Variants in PIK3R1 observed in about 807,000 individuals in gnomAD.
PIK3R1 encodes the protein phosphatidylinositol 3-kinase regulatory subunit alpha.
In PIK3R1, 29 loss-of-function variants were observed where a neutral mutation model predicts 98.0. The observed-to-expected ratio is 0.30, with a 90% CI of 0.22 to 0.40. The LOEUF is 0.40. Among genes scored for constraint, PIK3R1 ranks in the 10% least tolerant of loss-of-function variants. The probability of loss-of-function intolerance (pLI) is 1.00; values close to 1 mark genes in which losing one functional copy is unlikely to be tolerated. For missense variants in PIK3R1, 596 were observed against 872.7 expected, an observed-to-expected ratio of 0.68 and a Z score of 3.99; for synonymous variants, 282 against 311.8, an observed-to-expected ratio of 0.90 and a Z score of 1.01.
chr5:68,243,995 A>G (rs545457043), intron 2 of PIK3R1, among the ~76,000 whole-genome samples: 1 of 152,340 alleles, frequency 6.6e-6, no homozygotes, highest in South Asian at 2.1e-4. Context: ...TTTAAATTAA[A>G]GCATTAATTT....
intron 2 of PIK3R1, among the ~76,000 whole-genome samples, chr5:68,259,772 A>G (rs2112100951): frequency 6.6e-6 from 1 of 152,258 alleles, no homozygotes; most frequent in East Asian, 1.9e-4. Context: ...GCTGCCCCCC[A>G]AAAGGGGCAC....
At chr5:68,234,259 AAT>A (rs1032876316) in intron 2 of PIK3R1, among the ~76,000 whole-genome samples, 7 of 152,154 alleles carry the variant, frequency 4.6e-5, no homozygotes, top group African/African-American at 1.7e-4. Flanking sequence ...TTCTCTTCCC[AAT>A]CAGAAGAACT....
intron 2 of PIK3R1, among the ~76,000 whole-genome samples, chr5:68,269,667 G>A (rs1746267511): frequency 6.6e-6 from 1 of 152,140 alleles, no homozygotes; most frequent in Admixed American, 6.5e-5. Context: ...TAAAGGCATA[G>A]TTGATTTTAG....
At chr5:68,274,127 G>A in intron 4 of PIK3R1, 114 bp downstream of exon 4, 1 of 837,384 alleles carries the variant, frequency 1.2e-6, no homozygotes, top group Non-Finnish European at 2.0e-6. Flanking sequence ...TAAATTTAAA[G>A]GGAACTCAAA....
At chr5:68,228,351 T>A (rs1744357475) in intron 2 of PIK3R1, among the ~76,000 whole-genome samples, 1 of 152,220 alleles carries the variant, frequency 6.6e-6, no homozygotes, top group Non-Finnish European at 1.5e-5. Context: ...AGGAATTTAT[T>A]AATGATACCT....
rs78058175 is a variant in PIK3R1, at chr5:68,237,779, G to A, written c.334+10770G>A. Among the ~76,000 whole-genome samples, 75 of 152,150 alleles carry A rather than the reference G, an allele frequency of 4.9e-4. No homozygotes were observed. In the East Asian group the frequency reaches 0.013, roughly 26 times the overall value. ...GAATTAGTGGGAAGAAATGCCTACT[G>A]TAAACTCAACAGAACCGGGGTTAAA... On this transcript the variant is annotated intron_variant, in intron 2 of 15. Transcript: ENST00000521381.
chr5:68,299,676 G>T lies in PIK3R1; in HGVS notation c.*2075G>T. On this transcript the variant is annotated 3_prime_UTR_variant, in exon 16 of 16. Transcript: ENST00000521381. ...TACCCACAGCTATATTTCTGTTTAA[G>T]TACTAGGGTGAGGGTTTTCTGTTAC... The T allele has an allele frequency of 4.3e-6, 1 of 233,190 alleles. No homozygotes were observed. The highest frequency in any genetic ancestry group is 6.0e-5 in the East Asian group (1 of 16,568). The allele number at this position is 233,190 out of a possible 1,614,324, so 14.4% of individuals were successfully genotyped here. A position where few individuals can be genotyped will look rare whatever the true frequency, so the allele number is the denominator to read the frequency against.
rs2112262790 is a variant in PIK3R1 at position 68,293,740 on chromosome 5, C to A, written c.1331C>A (p.Ala444Asp). 1 of 1,499,348 alleles carries A rather than the reference C, an allele frequency of 6.7e-7. No homozygotes were observed. The highest frequency in any genetic ancestry group is 9.2e-7 in the Non-Finnish European group (1 of 1,087,062). 92.9% of individuals were successfully genotyped at this position (1,499,348 alleles called of 1,614,324 possible). A position where few individuals can be genotyped will look rare whatever the true frequency, so the allele number is the denominator to read the frequency against. ...GTTGTCAAAGAAGATAATATTGAAGCTGTAGGGAAAAAATTACATGAATAT... is the reference window on the plus strand; with the variant it reads ...GTTGTCAAAGAAGATAATATTGAAGATGTAGGGAAAAAATTACATGAATAT... ...DQVVKEDNIE[A>D]VGKKLHEYNT... The change falls in exon 11 of 16, where the codon GCT (alanine) becomes GAT (aspartate). Residue 444 changes from alanine (A) to aspartate (D), a missense_variant. Physicochemically the swap from Ala to Asp is moderately radical, Grantham distance 126 (BLOSUM62 -2). This residue lies in a region of PIK3R1 where 207 missense variants were observed against 361.4 expected (regional missense o/e 0.57). Coordinates refer to ENST00000521381, the MANE Select transcript of PIK3R1 (RefSeq NM_181523.3).
Position 68,300,329 on chromosome 5 carries a change from AG to A in PIK3R1, c.*2729del, listed in dbSNP as rs1364295291. Reference sequence around the variant, plus strand: ...CATTTGTCGTTTTAGATACTTTGCTAGCCGGCCACTTTGGATTTCATCAGAC... The same window carrying A: ...CATTTGTCGTTTTAGATACTTTGCTACCGGCCACTTTGGATTTCATCAGAC... On this transcript the variant is annotated 3_prime_UTR_variant, in exon 16 of 16. Transcript: ENST00000521381. The A allele has an allele frequency of 4.3e-6, 1 of 232,920 alleles. No homozygotes were observed. Among genetic ancestry groups the A allele is most frequent in the East Asian group, 6.1e-5 (1 of 16,496 alleles). The allele number at this position is 232,920 out of a possible 1,614,324, so 14.4% of individuals were successfully genotyped here. A position where few individuals can be genotyped will look rare whatever the true frequency, so the allele number is the denominator to read the frequency against.
chr5:68,297,547 C>G lies in PIK3R1; in HGVS notation c.2121C>G (p.Asn707Lys), dbSNP rs922311379. 6.2e-7 allele frequency: 1 copy of G among 1,614,172 alleles called. No homozygotes were observed. The highest frequency in any genetic ancestry group is 8.5e-7 in the Non-Finnish European group (1 of 1,180,008). ...AACACACCTCCCTTGTGCAGCACAA[C>G]GACTCCCTCAATGTCACACTAGCCT... Reference protein sequence around the residue: ...HYQHTSLVQHNDSLNVTLAYP... With the variant: ...HYQHTSLVQHKDSLNVTLAYP... The change falls in exon 16 of 16, where the codon AAC (asparagine) becomes AAG (lysine). Residue 707 changes from asparagine (N) to lysine (K), a missense_variant. Physicochemically the swap from Asn to Lys is moderately conservative, Grantham distance 94. Transcript: ENST00000521381.
Position 68,279,516 on chromosome 5 carries a change from A to G in PIK3R1, c.503-86A>G, listed in dbSNP as rs16897620. ...CCTTATTTTTTTTTTTTTTTGTCAC[A>G]TGTGAGTCAAATTGTTCAGAAAATT... On this transcript the variant is annotated intron_variant, in intron 4 of 15. Coordinates refer to ENST00000521381, the MANE Select transcript of PIK3R1 (RefSeq NM_181523.3). The G allele has an allele frequency of 0.23, 220,414 of 961,532 alleles. 27,694 individuals carry two copies. The highest frequency in any genetic ancestry group is 0.24 in the South Asian group (13,446 of 56,478). 59.6% of individuals were successfully genotyped at this position (961,532 alleles called of 1,614,324 possible).
At chr5:68,292,883 T>A (rs1225932192) in intron 8 of PIK3R1, 22 of 708,962 alleles carry the variant, frequency 3.1e-5, no homozygotes, top group Non-Finnish European at 4.4e-5. Flanking sequence ...TTGCTAACAT[T>A]TCTATTTAAA....
Position 68,226,564 on chromosome 5 carries a change from A to G in PIK3R1, c.-112A>G. ...AGAGTGGTCCTTTGTCCTCTGCTGG[A>G]CACATAATAGGAATTCTAACACATT... is the stretch of plus-strand genomic sequence containing the variant. On this transcript the variant is annotated 5_prime_UTR_variant, in exon 2 of 16. Coordinates refer to ENST00000521381, the MANE Select transcript of PIK3R1 (RefSeq NM_181523.3). 1 of 854,400 alleles carries G rather than the reference A, an allele frequency of 1.2e-6. No homozygotes were observed. The highest frequency in any genetic ancestry group is 1.8e-6 in the Non-Finnish European group (1 of 541,450). 52.9% of individuals were successfully genotyped at this position (854,400 alleles called of 1,614,324 possible).
At chr5:68,251,380 G>T (rs1314904749) in intron 2 of PIK3R1, among the ~76,000 whole-genome samples, 1 of 151,806 alleles carries the variant, frequency 6.6e-6, no homozygotes, top group East Asian at 1.9e-4. Flanking sequence ...TTGATGAGTT[G>T]GTTTTTCAGT....
intron 1 of PIK3R1, among the ~76,000 whole-genome samples, chr5:68,221,636 G>A (rs1214788302): frequency 6.6e-6 from 1 of 152,228 alleles, no homozygotes; most frequent in Non-Finnish European, 1.5e-5. Flanking sequence ...ATTTCTAAAT[G>A]GAGAATGGAG....
At chr5:68,241,793 G>T (rs1187873870) in intron 2 of PIK3R1, among the ~76,000 whole-genome samples, 1 of 152,212 alleles carries the variant, frequency 6.6e-6, no homozygotes, top group East Asian at 1.9e-4. Context: ...ACCTCTAGTG[G>T]TATTAACTAA....
Position 68,292,347 on chromosome 5 carries a change from G to T in PIK3R1, c.1005G>T (p.Trp335Cys), listed in dbSNP as rs1189080109. 1 of 1,607,806 alleles carries T rather than the reference G, an allele frequency of 6.2e-7. No individual in the cohort carries two copies. The highest frequency in any genetic ancestry group is 8.5e-7 in the Non-Finnish European group (1 of 1,174,574). ...NMSLQDAEWY[W>C]GDISREEVNE... ...CCTTACAAGATGCTGAATGGTACTG[G>T]GGAGATATCTCGAGGTAAGGCTACA... is the stretch of plus-strand genomic sequence containing the variant. The change falls in exon 8 of 16, where the codon TGG becomes TGT. Residue 335 changes from tryptophan to cysteine, a missense_variant. By Grantham distance (215) the Trp-to-Cys change is radical. This residue lies in a region of PIK3R1 where 37 missense variants were observed against 118.0 expected (regional missense o/e 0.31). Transcript: ENST00000521381.
chr5:68,287,243 C>A (rs535300554), intron 7 of PIK3R1, among the ~76,000 whole-genome samples: 19 of 152,042 alleles, frequency 1.2e-4, no homozygotes, highest in African/African-American at 3.6e-4. Context: ...ACAGAAAAAA[C>A]CAGAGTTTTG....
At position 68,276,935 on chromosome 5, in the gene PIK3R1, G is replaced by A. The variant is rs144894240; in HGVS notation, c.503-2667G>A. 4.1e-3 allele frequency among the ~76,000 whole-genome samples: 630 copies of A among 152,210 alleles called. 5 individuals are homozygous for A. Among genetic ancestry groups the A allele is most frequent in the Non-Finnish European group, 7.3e-3 (494 of 68,026 alleles). On this transcript the variant is annotated intron_variant, in intron 4 of 15. Transcript: ENST00000521381. Reference sequence around the variant, plus strand: ...GACAGCCACAGTCCCTGCCCTTGACGTACCTCGGTCTAGTAGGGAAACACA... The same window carrying A: ...GACAGCCACAGTCCCTGCCCTTGACATACCTCGGTCTAGTAGGGAAACACA...
Sources: allele counts gnomAD v4.1 joint callset (sites outside exome capture counted in the v4.1 genomes callset), GRCh38; gene constraint gnomAD v4.1.1; regional missense constraint gnomAD v4.1.1; transcripts MANE v1.5; gene names NCBI Gene and HGNC (gene_info 2026-07-23, HGNC 2026-07-21).